Variants in INPP4B observed in about 807,000 individuals in gnomAD.
INPP4B encodes inositol polyphosphate-4-phosphatase type II B, also known as inositol polyphosphate 4-phosphatase type II.
INPP4B carries 55 observed loss-of-function variants against 122.5 expected under a neutral mutation model. That is an observed-to-expected ratio of 0.45 (90% confidence interval 0.36 to 0.56). INPP4B has a LOEUF of 0.56. INPP4B is among the 20% of genes least tolerant of loss of function. The pLI is 0.00. For synonymous variants in INPP4B, 403 were observed against 388.7 expected, an observed-to-expected ratio of 1.04 and a Z score of -0.43; for missense variants, 1,000 against 1,097.7, an observed-to-expected ratio of 0.91 and a Z score of 1.26.
At chr4:142,366,614 T>C (rs572545120) in intron 7 of INPP4B, among the ~76,000 whole-genome samples, 1 of 152,240 alleles carries the variant, frequency 6.6e-6, no homozygotes. Context: ...TGGTGCCTGA[T>C]GGAATAAAAA....
At chr4:142,615,368 A>T (rs902004360) in intron 2 of INPP4B, among the ~76,000 whole-genome samples, 2 of 152,200 alleles carry the variant, frequency 1.3e-5, no homozygotes, top group Non-Finnish European at 2.9e-5. Context: ...AGATATCTAC[A>T]GGTTATAGGT....
intron 11 of INPP4B, among the ~76,000 whole-genome samples, chr4:142,242,604 C>T (rs1048957276): frequency 2.0e-5 from 3 of 152,180 alleles, no homozygotes; most frequent in Non-Finnish European, 4.4e-5. Context: ...CTCTATTCCA[C>T]TCATCAAGTT....
At chr4:142,714,843 G>T (rs1445881691) in intron 2 of INPP4B, among the ~76,000 whole-genome samples, 1 of 152,170 alleles carries the variant, frequency 6.6e-6, no homozygotes, top group East Asian at 1.9e-4. Context: ...ATTTGCAAAA[G>T]ATATCTGGGT....
intron 2 of INPP4B, among the ~76,000 whole-genome samples, chr4:142,471,870 T>C (rs1426610315): frequency 1.3e-5 from 2 of 150,552 alleles, no homozygotes; most frequent in Non-Finnish European, 3.0e-5. Flanking sequence ...CTCCATAGTA[T>C]ACACACACAC....
chr4:142,177,204 T>C (rs1828729200), intron 15 of INPP4B, among the ~76,000 whole-genome samples: 1 of 152,140 alleles, frequency 6.6e-6, no homozygotes, highest in Non-Finnish European at 1.5e-5. Flanking sequence ...AGATTCATTT[T>C]CCATAATAAA....
At chr4:142,459,381 A>G (rs767631616) in intron 3 of INPP4B, among the ~76,000 whole-genome samples, 2 of 152,150 alleles carry the variant, frequency 1.3e-5, no homozygotes, top group Non-Finnish European at 2.9e-5. Flanking sequence ...TAAGAATTTA[A>G]TAAATTTTTG....
At position 142,644,740 on chromosome 4, in the gene INPP4B, T is replaced by TAAAA. The variant is rs55700762; in HGVS notation, c.-191+81095_-191+81098dup. On this transcript the variant is annotated intron_variant, in intron 2 of 25. Coordinates refer to ENST00000262992, the MANE Select transcript of INPP4B (RefSeq NM_001101669.3). ...AACATGGCAAAACCCCATCTCTACT[T>TAAAA]AAAAAAAAAAAAAAAAAAAAAAAAA... is the stretch of plus-strand genomic sequence containing the variant. 3.8e-3 allele frequency among the ~76,000 whole-genome samples: 270 copies of TAAAA among 71,056 alleles called. 5 individuals carry two copies. Among genetic ancestry groups the TAAAA allele is most frequent in the African/African-American group, 4.7e-3 (83 of 17,700 alleles). 46.6% of individuals were successfully genotyped at this position (71,056 alleles called of 152,430 possible). A position where few individuals can be genotyped will look rare whatever the true frequency, so the allele number is the denominator to read the frequency against.
At chr4:142,136,895 AAATGGAAGAACATTCC>A (rs1184902790) in intron 18 of INPP4B, among the ~76,000 whole-genome samples, 2 of 152,238 alleles carry the variant, frequency 1.3e-5, no homozygotes, top group African/African-American at 4.8e-5. Context: ...CCTTACAAAG[AAATGGAAGAACATTCC>A]ATACTCATGG....
intron 1 of INPP4B, among the ~76,000 whole-genome samples, chr4:142,769,509 T>C (rs1350625690): frequency 6.6e-6 from 1 of 152,222 alleles, no homozygotes; most frequent in African/African-American, 2.4e-5. Flanking sequence ...ATTAGGACCA[T>C]GGCACATGGG....
intron 23 of INPP4B, among the ~76,000 whole-genome samples, chr4:142,106,240 C>T (rs1787035482): frequency 6.6e-6 from 1 of 152,130 alleles, no homozygotes; most frequent in East Asian, 1.9e-4. Flanking sequence ...TTGAAAAACA[C>T]TTGTTTATAT....
At chr4:142,377,710 A>G (rs1792490243) in intron 7 of INPP4B, among the ~76,000 whole-genome samples, 1 of 152,116 alleles carries the variant, frequency 6.6e-6, no homozygotes. Flanking sequence ...CTCTTTTCAA[A>G]AAAATACTCA....
intron 5 of INPP4B, among the ~76,000 whole-genome samples, chr4:142,413,369 G>A (rs1233945179): frequency 2.6e-5 from 4 of 152,020 alleles, no homozygotes; most frequent in Non-Finnish European, 5.9e-5. Flanking sequence ...ATCAACCTAA[G>A]GAATCAGCTC....
rs1304094473 is a variant in INPP4B at position 142,107,675 on chromosome 4, TG to T, written c.2374+417del. ...TTGACTTAATATTATTTTGTTCAAC[TG>T]GTATTATATCTGATGTTCTCCTGCA... On this transcript the variant is annotated intron_variant, in intron 23 of 25. Coordinates refer to ENST00000262992, the MANE Select transcript of INPP4B (RefSeq NM_001101669.3). Among the ~76,000 whole-genome samples the T allele has an allele frequency of 1.9e-4, 29 of 152,192 alleles. 1 individual carries two copies. The highest frequency in any genetic ancestry group is 7.0e-4 in the African/African-American group (29 of 41,464).
chr4:142,411,177 T>C (rs1240750596), intron 5 of INPP4B, among the ~76,000 whole-genome samples: 1 of 152,208 alleles, frequency 6.6e-6, no homozygotes, highest in African/African-American at 2.4e-5. Context: ...TGACTTTCTC[T>C]CTCCCAGCAT....
intron 2 of INPP4B, among the ~76,000 whole-genome samples, chr4:142,692,108 G>A (rs1760272672): frequency 6.6e-6 from 1 of 151,944 alleles, no homozygotes; most frequent in Non-Finnish European, 1.5e-5. Context: ...ATCAGATTAG[G>A]TTATCATGAA....
At chr4:142,060,871 C>T (rs1045133351) in intron 25 of INPP4B, among the ~76,000 whole-genome samples, 2 of 152,066 alleles carry the variant, frequency 1.3e-5, no homozygotes, top group Non-Finnish European at 2.9e-5. Context: ...AGACATTTGC[C>T]TTATTTTACT....
chr4:142,385,387 A>G (rs1479922986), intron 7 of INPP4B, among the ~76,000 whole-genome samples: 1 of 145,796 alleles, frequency 6.9e-6, no homozygotes, highest in African/African-American at 2.6e-5. Flanking sequence ...AAAAAAAACC[A>G]CTCTTGAATG....
chr4:142,715,445 C>T (rs1215246777), intron 2 of INPP4B, among the ~76,000 whole-genome samples: 1 of 152,194 alleles, frequency 6.6e-6, no homozygotes, highest in Non-Finnish European at 1.5e-5. Flanking sequence ...TAGAATTTGT[C>T]AAGTTGGAAT....
intron 7 of INPP4B, among the ~76,000 whole-genome samples, chr4:142,354,179 T>G (rs1385006804): frequency 6.6e-6 from 1 of 152,024 alleles, no homozygotes; most frequent in Non-Finnish European, 1.5e-5. Flanking sequence ...ACAATCTGCC[T>G]TTTATCTAGC....
Sources: allele counts gnomAD v4.1 joint callset (sites outside exome capture counted in the v4.1 genomes callset), GRCh38; gene constraint gnomAD v4.1.1; transcripts MANE v1.5; gene names NCBI Gene and HGNC (gene_info 2026-07-23, HGNC 2026-07-21).